Variants in REEP1 observed in about 807,000 individuals in gnomAD.
REEP1 encodes receptor expression-enhancing protein 1.
REEP1 carries 22 observed loss-of-function variants against 40.3 expected under a neutral mutation model. The ratio of observed to expected loss-of-function variants is 0.55; its 90% CI spans 0.39 to 0.78. REEP1 has a LOEUF of 0.78. Among genes scored for constraint, REEP1 ranks in the 30% least tolerant of loss-of-function variants. REEP1 has a pLI of 0.00. For synonymous variants in REEP1, 116 were observed against 139.2 expected, an observed-to-expected ratio of 0.83 and a Z score of 1.17; for missense variants, 280 against 361.1, an observed-to-expected ratio of 0.78 and a Z score of 1.82.
chr2:86,232,721 G>C lies in REEP1; in HGVS notation c.499C>G (p.Pro167Ala), dbSNP rs896864468. Residue 167 changes from proline (P) to alanine (A), a missense_variant, in exon 6 of 9, where the codon CCC becomes GCC. By Grantham distance (27) the Pro-to-Ala change is conservative. Coordinates refer to ENST00000538924, the MANE Select transcript of REEP1 (RefSeq NM_001371279.1). ...GACCCCGGTGGTGGGGGGCCCGAGG[G>C]AGCAGGGGCGCCGTCTCCCCTGATG... is the stretch of plus-strand genomic sequence containing the variant. ...TTIRGDGAPA[P>A]SGPPPPGSGR... The C allele has an allele frequency of 4.3e-6, 7 of 1,609,716 alleles. No homozygotes were observed. Among genetic ancestry groups the C allele is most frequent in the East Asian group, 2.2e-5 (1 of 44,894 alleles).
intron 1 of REEP1, among the ~76,000 whole-genome samples, chr2:86,284,703 G>C (rs1394156891): frequency 1.3e-5 from 2 of 152,136 alleles, no homozygotes; most frequent in African/African-American, 4.8e-5. Context: ...AGAGACAGGT[G>C]GGAAGTACAG....
intron 2 of REEP1, among the ~76,000 whole-genome samples, chr2:86,268,223 G>A (rs539267103): frequency 6.6e-6 from 1 of 152,118 alleles, no homozygotes; most frequent in South Asian, 2.1e-4. Flanking sequence ...CATAGATGGT[G>A]TAACTGTCTA....
chr2:86,269,265 A>C (rs1256053691), intron 2 of REEP1, among the ~76,000 whole-genome samples: 2 of 152,218 alleles, frequency 1.3e-5, no homozygotes, highest in African/African-American at 2.4e-5. Context: ...TTCTAGGCTC[A>C]TAATAAAGTC....
Position 86,215,876 on chromosome 2 carries a change from T to C in REEP1, c.*1163A>G, listed in dbSNP as rs886056407. 3 of 152,234 alleles carry C rather than the reference T, an allele frequency of 2.0e-5. No homozygotes were observed. The East Asian group carries it at 5.8e-4, about 29-fold the overall frequency. 9.4% of individuals were successfully genotyped at this position (152,234 alleles called of 1,614,324 possible). A position where few individuals can be genotyped will look rare whatever the true frequency, so the allele number is the denominator to read the frequency against. ...AACAGAAGGTGTGAGCCACAGGTGC[T>C]CCTGGGTCTGACCAGCAAGTCTAAC... is the stretch of plus-strand genomic sequence containing the variant. On this transcript the variant is annotated 3_prime_UTR_variant, in exon 9 of 9. Transcript: ENST00000538924.
At chr2:86,305,159 G>A (rs990016181) in intron 1 of REEP1, among the ~76,000 whole-genome samples, 1 of 152,196 alleles carries the variant, frequency 6.6e-6, no homozygotes, top group Non-Finnish European at 1.5e-5. Flanking sequence ...CAGAAGCTGT[G>A]TGGGTTCTGC....
At chr2:86,279,176 T>G (rs1677922264) in intron 2 of REEP1, among the ~76,000 whole-genome samples, 1 of 152,178 alleles carries the variant, frequency 6.6e-6, no homozygotes, top group Non-Finnish European at 1.5e-5. Context: ...AGCCTGAGTC[T>G]TCAATTCAAG....
At chr2:86,306,750 A>C (rs1246577242) in intron 1 of REEP1, among the ~76,000 whole-genome samples, 1 of 152,198 alleles carries the variant, frequency 6.6e-6, no homozygotes, top group Non-Finnish European at 1.5e-5. Context: ...TTACTTATTC[A>C]GAGGCCAGGG....
rs540309343 is a variant in REEP1, at chr2:86,297,423, A to G, written c.33-15181T>C. On this transcript the variant is annotated intron_variant, in intron 1 of 8. Transcript: ENST00000538924. ...ACTTGAAAATGGAAATGCTGCACAG[A>G]CTTGCAAAAATGCTTTTCCTACAAG... Among the ~76,000 whole-genome samples, 5 of 152,356 alleles carry G rather than the reference A, an allele frequency of 3.3e-5. No individual in the cohort carries two copies. In the East Asian group the frequency reaches 9.6e-4, roughly 29 times the overall value.
chr2:86,226,636 T>TA (rs1674723653), intron 7 of REEP1, among the ~76,000 whole-genome samples: 1 of 150,818 alleles, frequency 6.6e-6, no homozygotes, highest in South Asian at 2.1e-4. Context: ...ACCTGGCTTT[T>TA]TTTTTTTTTT....
At chr2:86,275,655 C>T (rs1364311255) in intron 2 of REEP1, among the ~76,000 whole-genome samples, 1 of 152,220 alleles carries the variant, frequency 6.6e-6, no homozygotes, top group African/African-American at 2.4e-5. Context: ...CTCACAGAAA[C>T]CACAATGAAG....
In REEP1 at chr2:86,265,385, T is replaced by C. The variant is rs958443432; in HGVS notation, c.106-1344A>G. On this transcript the variant is annotated intron_variant, in intron 2 of 8. Transcript: ENST00000538924. ...AACACTAAGAGATTAACTCTATGAC[T>C]AAGAGCAAAATTTAAATATACCTGC... 2.0e-5 allele frequency among the ~76,000 whole-genome samples: 3 copies of C among 152,236 alleles called. No individual in the cohort carries two copies. The East Asian group carries it at 5.8e-4, about 29-fold the overall frequency.
Position 86,216,013 on chromosome 2 carries a change from TTG to T in REEP1, c.*1024_*1025del, listed in dbSNP as rs886056408. 3.9e-5 allele frequency: 6 copies of T among 152,234 alleles called. No homozygotes were observed. The highest frequency in any genetic ancestry group is 1.2e-4 in the African/African-American group (5 of 41,460). 9.4% of individuals were successfully genotyped at this position (152,234 alleles called of 1,614,324 possible). On this transcript the variant is annotated 3_prime_UTR_variant, in exon 9 of 9. Transcript: ENST00000538924. The stretch of plus-strand genomic sequence containing the variant: ...CTGAAACAGCAGAGTTCTCAGTTTT[TTG>T]TGTGTTTGTTTTTGCTAAGCTAAAC...
At chr2:86,247,321 G>T (rs1483267273) in intron 5 of REEP1, among the ~76,000 whole-genome samples, 1 of 152,044 alleles carries the variant, frequency 6.6e-6, no homozygotes, top group African/African-American at 2.4e-5. Flanking sequence ...GTGGGATAGG[G>T]GTTAAATTCC....
At chr2:86,319,739 G>A (rs1298485928) in intron 1 of REEP1, among the ~76,000 whole-genome samples, 1 of 152,116 alleles carries the variant, frequency 6.6e-6, no homozygotes, top group Admixed American at 6.5e-5. Flanking sequence ...AAAGAAAAGG[G>A]TCTTTGCAGA....
intron 1 of REEP1, among the ~76,000 whole-genome samples, chr2:86,335,694 C>G (rs986957276): frequency 2.6e-5 from 4 of 151,890 alleles, no homozygotes; most frequent in African/African-American, 9.7e-5. Context: ...ACTAAAAATA[C>G]AAAAATTAGC....
chr2:86,325,967 C>T (rs1302888987), intron 1 of REEP1, among the ~76,000 whole-genome samples: 3 of 152,230 alleles, frequency 2.0e-5, no homozygotes, highest in Non-Finnish European at 4.4e-5. Context: ...TTGGATGCTA[C>T]AGTGTCCCCC....
chr2:86,328,656 C>T (rs1436315796), intron 1 of REEP1, among the ~76,000 whole-genome samples: 2 of 152,066 alleles, frequency 1.3e-5, no homozygotes, highest in Admixed American at 1.3e-4. Flanking sequence ...TCCAGCCTGG[C>T]GACAGAGTAA....
At chr2:86,247,823 G>A (rs1294203533) in intron 5 of REEP1, among the ~76,000 whole-genome samples, 1 of 151,966 alleles carries the variant, frequency 6.6e-6, no homozygotes, top group Non-Finnish European at 1.5e-5. Context: ...TGCCTGCCTC[G>A]ACCTCTCAAA....
chr2:86,290,418 G>A (rs1678633626), intron 1 of REEP1, among the ~76,000 whole-genome samples: 1 of 152,126 alleles, frequency 6.6e-6, no homozygotes, highest in Non-Finnish European at 1.5e-5. Flanking sequence ...ACTAAAAAGA[G>A]TGAATTTTAC....
Sources: gnomAD v4.1 joint callset for allele counts (sites outside exome capture counted in the v4.1 genomes callset) on GRCh38, gnomAD v4.1.1 for gene constraint, MANE v1.5 for transcripts, NCBI Gene and HGNC (gene_info 2026-07-23, HGNC 2026-07-21) for gene names.